Variants in PCDHA5 observed in about 807,000 individuals in gnomAD.
The protein encoded by PCDHA5 is protocadherin alpha-5.
Under a neutral mutation model 61.6 loss-of-function variants are expected in PCDHA5, and 43 were observed. That is an observed-to-expected ratio of 0.70 (90% CI 0.55 to 0.90). The LOEUF (loss-of-function observed/expected upper bound fraction) is 0.90. Ranked by LOEUF, PCDHA5 falls within the 40% of genes least tolerant of loss-of-function variation. PCDHA5 has a pLI of 0.00. For missense variants in PCDHA5, 1,298 were observed against 1,222.7 expected, an observed-to-expected ratio of 1.06 and a Z score of -0.92; for synonymous variants, 627 against 543.9, an observed-to-expected ratio of 1.15 and a Z score of -2.13.
intron 1 of PCDHA5, among the ~76,000 whole-genome samples, chr5:140,922,161 A>C (rs1381544563): frequency 1.4e-5 from 2 of 147,172 alleles, no homozygotes; most frequent in African/African-American, 2.5e-5. Flanking sequence ...CAAAAACAAC[A>C]AAAAGTACAG....
intron 1 of PCDHA5, chr5:140,850,254 G>A: frequency 3.8e-6 from 6 of 1,593,786 alleles, no homozygotes; most frequent in South Asian, 1.1e-5. Flanking sequence ...GTCGGTGGGC[G>A]CCGGCGTAGT....
intron 1 of PCDHA5, chr5:140,882,277 T>C: frequency 1.9e-6 from 3 of 1,612,528 alleles, no homozygotes; most frequent in African/African-American, 1.3e-5. Flanking sequence ...CCATGCTGTC[T>C]TCCTGGCAAG....
At chr5:140,840,154 A>G (rs1212681369) in intron 1 of PCDHA5, among the ~76,000 whole-genome samples, 1 of 152,048 alleles carries the variant, frequency 6.6e-6, no homozygotes, top group Admixed American at 6.6e-5. Flanking sequence ...ACGTGAAAGG[A>G]GAGATGGGAT....
At chr5:140,967,919 G>A (rs1554230110) in intron 1 of PCDHA5, 1 of 1,614,212 alleles carries the variant, frequency 6.2e-7, no homozygotes, top group South Asian at 1.1e-5. Flanking sequence ...CACCATTGTG[G>A]CCGTTCTCAG....
intron 1 of PCDHA5, chr5:140,927,951 T>G: frequency 6.2e-7 from 1 of 1,614,198 alleles, no homozygotes; most frequent in Non-Finnish European, 8.5e-7. Context: ...CTGAGGACGC[T>G]GCCCCTGGCA....
chr5:140,827,116 T>C (rs1554130718), intron 1 of PCDHA5, among the ~76,000 whole-genome samples: 1 of 152,148 alleles, frequency 6.6e-6, no homozygotes, highest in Non-Finnish European at 1.5e-5. Context: ...TAGGTGAAAG[T>C]GACAATTAGA....
intron 1 of PCDHA5, among the ~76,000 whole-genome samples, chr5:140,939,059 T>C (rs2092309221): frequency 6.6e-6 from 1 of 152,234 alleles, no homozygotes; most frequent in Non-Finnish European, 1.5e-5. Flanking sequence ...TTTGGGCTGC[T>C]ATATCAAAAT....
At position 140,928,541 on chromosome 5, in the gene PCDHA5, A is replaced by T. The variant is rs149868042; in HGVS notation, c.2353-50408A>T. Reference sequence around the variant, plus strand: ...AACTTGTTTGTGGTAGATAGGAATGACAATTATCCGGTTATCTTGTTTCCC... The same window carrying T: ...AACTTGTTTGTGGTAGATAGGAATGTCAATTATCCGGTTATCTTGTTTCCC... On this transcript the variant is annotated intron_variant, in intron 1 of 3. Transcript: ENST00000529859. 1,755 of 1,614,192 alleles carry T rather than the reference A, an allele frequency of 1.1e-3. 11 individuals carry two copies. In the African/African-American group the frequency reaches 0.015, roughly 13 times the overall value.
At chr5:140,876,361 C>A in intron 1 of PCDHA5, 1 of 1,613,880 alleles carries the variant, frequency 6.2e-7, no homozygotes. Flanking sequence ...TTCAATAAAT[C>A]CAGACACAGG....
chr5:140,848,734 A>G lies in PCDHA5; in HGVS notation c.2352+24607A>G, dbSNP rs199690069. The G allele has an allele frequency of 6.3e-7, 1 of 1,592,886 alleles. No homozygotes were observed. Among genetic ancestry groups the G allele is most frequent in the Non-Finnish European group, 8.6e-7 (1 of 1,163,642 alleles). The stretch of plus-strand genomic sequence containing the variant: ...GGGGACCTTCTGGAGGTAAATCTGC[A>G]GAATGGCATTTTGTTTGTGAATTCT... On this transcript the variant is annotated intron_variant, in intron 1 of 3. Transcript: ENST00000529859.
chr5:140,912,122 C>A (rs1008861945), intron 1 of PCDHA5, among the ~76,000 whole-genome samples: 1 of 152,194 alleles, frequency 6.6e-6, no homozygotes, highest in Admixed American at 6.5e-5. Context: ...GAGGCTAAGT[C>A]AGTCTAATCT....
In PCDHA5 at chr5:140,977,999, G is replaced by A. The variant is rs1185111218; in HGVS notation, c.2353-950G>A. Among the ~76,000 whole-genome samples the A allele has an allele frequency of 1.3e-5, 2 of 152,132 alleles. 1 individual carries two copies. The highest frequency in any genetic ancestry group is 4.8e-5 in the African/African-American group (2 of 41,406). ...AAACGCATCTAGAGGAGTGTCACAA[G>A]TTTTTCACAGTGACATTTTTGCTTA... On this transcript the variant is annotated intron_variant, in intron 1 of 3. Coordinates refer to ENST00000529859, the MANE Select transcript of PCDHA5 (RefSeq NM_018908.3).
chr5:140,830,593 A>G lies in PCDHA5; in HGVS notation c.2352+6466A>G, dbSNP rs1771152792. 4.2e-6 allele frequency: 3 copies of G among 705,892 alleles called. No individual in the cohort carries two copies. The South Asian group carries it at 1.3e-4, about 30-fold the overall frequency. The allele number at this position is 705,892 out of a possible 1,614,324, so 43.7% of individuals were successfully genotyped here. A position where few individuals can be genotyped will look rare whatever the true frequency, so the allele number is the denominator to read the frequency against. ...TTTTTAATTTTTAATTAATTTTACA[A>G]AATTACATATTTTCATTTTATTGTG... On this transcript the variant is annotated intron_variant, in intron 1 of 3. Coordinates refer to ENST00000529859, the MANE Select transcript of PCDHA5 (RefSeq NM_018908.3).
At position 140,821,891 on chromosome 5, in the gene PCDHA5, A is replaced by G; in HGVS notation, c.116A>G (p.Lys39Arg). ...QLHYSIPEEA[K>R]HGTFVGRIAQ... ...CACTACTCGATCCCGGAGGAAGCCAAACACGGAACCTTCGTTGGCCGCATC... is the reference window on the plus strand; with the variant it reads ...CACTACTCGATCCCGGAGGAAGCCAGACACGGAACCTTCGTTGGCCGCATC... The change falls in exon 1 of 4, where the codon AAA becomes AGA. Residue 39 changes from lysine to arginine, a missense_variant. Transcript: ENST00000529859. 6.2e-7 allele frequency: 1 copy of G among 1,614,232 alleles called. No individual in the cohort carries two copies. The highest frequency in any genetic ancestry group is 8.5e-7 in the Non-Finnish European group (1 of 1,180,042).
chr5:140,994,747 G>A (rs2097648455), intron 3 of PCDHA5, among the ~76,000 whole-genome samples: 1 of 152,152 alleles, frequency 6.6e-6, no homozygotes, highest in Non-Finnish European at 1.5e-5. Context: ...ATGGCAAGTA[G>A]GATGTGGAGA....
chr5:140,850,004 G>C lies in PCDHA5; in HGVS notation c.2352+25877G>C. On this transcript the variant is annotated intron_variant, in intron 1 of 3. Transcript: ENST00000529859. Reference sequence around the variant, plus strand: ...TGGAGCGGCGGTTGGGCGAGCGCTCGCTGTCGAGCTACGTGTCAGTGCACG... The same window carrying C: ...TGGAGCGGCGGTTGGGCGAGCGCTCCCTGTCGAGCTACGTGTCAGTGCACG... 3 of 1,596,990 alleles carry C rather than the reference G, an allele frequency of 1.9e-6. 1 individual carries two copies. Among genetic ancestry groups the C allele is most frequent in the Non-Finnish European group, 2.6e-6 (3 of 1,167,858 alleles).
intron 3 of PCDHA5, among the ~76,000 whole-genome samples, chr5:140,998,062 C>T (rs2097795439): frequency 6.6e-6 from 1 of 152,176 alleles, no homozygotes; most frequent in African/African-American, 2.4e-5. Flanking sequence ...TCATCATCAA[C>T]AGACTTAGCC....
At chr5:140,867,702 A>G (rs560641093) in intron 1 of PCDHA5, 1 of 152,136 alleles carries the variant, frequency 6.6e-6, no homozygotes, top group Admixed American at 6.5e-5. Flanking sequence ...TTCCTCCTAA[A>G]TCCTAAGGGT....
rs781883324 is a variant in PCDHA5 at position 140,927,514 on chromosome 5, G to A, written c.2353-51435G>A. 3.2e-5 allele frequency: 52 copies of A among 1,613,938 alleles called. No individual in the cohort carries two copies. The highest frequency in any genetic ancestry group is 4.2e-5 in the Non-Finnish European group (49 of 1,180,040). ...CCTGCTGGTGCTTACAGCTCGGGAC[G>A]GCGGGCTACCTGCCCGCTCAGGAGA... On this transcript the variant is annotated intron_variant, in intron 1 of 3. Coordinates refer to ENST00000529859, the MANE Select transcript of PCDHA5 (RefSeq NM_018908.3).
Sources: gnomAD v4.1 joint callset for allele counts (sites outside exome capture counted in the v4.1 genomes callset) on GRCh38, gnomAD v4.1.1 for gene constraint, MANE v1.5 for transcripts, NCBI Gene and HGNC (gene_info 2026-07-23, HGNC 2026-07-21) for gene names.